PYCR3: variants seen among roughly 807,000 people sequenced by gnomAD.
PYCR3 encodes pyrroline-5-carboxylate reductase 3.
In PYCR3, 26 loss-of-function variants were observed where a neutral mutation model predicts 23.4. The observed-to-expected ratio is 1.11, with a 90% confidence interval of 0.81 to 1.54. The LOEUF is 1.54. Ranked by LOEUF, PYCR3 falls within the 40% of genes most tolerant of loss-of-function variation. The pLI, the probability that PYCR3 is intolerant of heterozygous loss-of-function variation, is 0.00. For synonymous variants in PYCR3, 194 were observed against 162.6 expected (o/e 1.19, Z -1.47); for missense variants, 360 against 376.3 (o/e 0.96, Z 0.36).
chr8:143,607,844 T>C (rs4874170), intron 2 of PYCR3, among the ~76,000 whole-genome samples: 125,108 of 152,026 alleles, frequency 0.82, 52,050 homozygotes, highest in Admixed American at 0.88. Context: ...CACTCACACA[T>C]GCATACACAC....
At chr8:143,607,193 C>A (rs900808053) in intron 2 of PYCR3, 61 bp from the exon 3 acceptor site, 1 of 1,427,202 alleles carries the variant, frequency 7.0e-7, no homozygotes, top group African/African-American at 1.4e-5. Context: ...CCCTCTCCAT[C>A]ACAGCCCTTC....
chr8:143,609,402 C>T, intron 1 of PYCR3, 56 bp downstream of exon 1: 1 of 1,421,358 alleles, frequency 7.0e-7, no homozygotes, highest in South Asian at 1.5e-5. Flanking sequence ...CGGCAGGACA[C>T]CTCCCACGGG....
Position 143,603,755 on chromosome 8 carries a change from C to T in PYCR3, c.*1945G>A, listed in dbSNP as rs922084673. On this transcript the variant is annotated 3_prime_UTR_variant, in exon 6 of 6. Coordinates refer to ENST00000495276, the MANE Select transcript of PYCR3 (RefSeq NM_023078.6). ...GTGCAGGGGAAACTGCAATTCCATG[C>T]CCTACAAAGCCCCCAGGTGATGTAG... is the stretch of plus-strand genomic sequence containing the variant. 2.6e-4 allele frequency among the ~76,000 whole-genome samples: 39 copies of T among 152,184 alleles called. No individual in the cohort carries two copies. The highest frequency in any genetic ancestry group is 9.2e-4 in the African/African-American group (38 of 41,438).
chr8:143,604,630 A>G lies in PYCR3; in HGVS notation c.*1070T>C. 1 of 312,646 alleles carries G rather than the reference A, an allele frequency of 3.2e-6. No homozygotes were observed. Among genetic ancestry groups the G allele is most frequent in the Non-Finnish European group, 6.2e-6 (1 of 161,696 alleles). 19.4% of individuals were successfully genotyped at this position (312,646 alleles called of 1,614,324 possible). ...CTGCAGCAGTTGGGGCCAGCGTGGG[A>G]CTGGAGGCCCAGGTGAATCTTGTGG... On this transcript the variant is annotated 3_prime_UTR_variant, in exon 6 of 6. Transcript: ENST00000495276.
chr8:143,606,005 T>A, intron 5 of PYCR3, 57 bp downstream of exon 5: 1 of 1,566,174 alleles, frequency 6.4e-7, no homozygotes, highest in Non-Finnish European at 8.7e-7. Context: ...CCCTGCGCAC[T>A]GGAAGAGGTA....
rs1242968286 is a variant in PYCR3 at position 143,604,411 on chromosome 8, C to CCGTGG, written c.*1284_*1288dup. On this transcript the variant is annotated 3_prime_UTR_variant, in exon 6 of 6. Transcript: ENST00000495276. ...GAGAGAGCAGATGAAGGGCAGAAGT[C>CCGTGG]CGTGGCCGCAGAGGCAGCTGAGCAT... The CCGTGG allele has an allele frequency of 5.9e-6, 1 of 168,828 alleles. No individual in the cohort carries two copies. The highest frequency in any genetic ancestry group is 1.3e-5 in the Non-Finnish European group (1 of 78,784). 10.5% of individuals were successfully genotyped at this position (168,828 alleles called of 1,614,324 possible). A position where few individuals can be genotyped will look rare whatever the true frequency, so the allele number is the denominator to read the frequency against.
intron 4 of PYCR3, 45 bp downstream of exon 4, chr8:143,606,422 C>T (rs1162518191): frequency 6.3e-7 from 1 of 1,595,916 alleles, no homozygotes; most frequent in Non-Finnish European, 8.6e-7. Flanking sequence ...GGTGGGCCCC[C>T]TCTTTGCCGA....
rs180911364 is a variant in PYCR3 at position 143,607,227 on chromosome 8, T to C, written c.157-95A>G. The C allele has an allele frequency of 4.6e-4, 565 of 1,233,896 alleles. 7 individuals carry two copies. In the South Asian group the frequency reaches 8.2e-3, roughly 18 times the overall value. 76.4% of individuals were successfully genotyped at this position (1,233,896 alleles called of 1,614,324 possible). ...TCCTGCTGGATGCCACACGTTCCCA[T>C]GGTCCCAGGGCCTCTCCCATTGCAA... On this transcript the variant is annotated intron_variant, in intron 2 of 5. Transcript: ENST00000495276.
Position 143,608,136 on chromosome 8 carries a change from AAGG to A in PYCR3, c.92-13_92-11del. The A allele has an allele frequency of 1.2e-6, 2 of 1,610,214 alleles. No homozygotes were observed. Among genetic ancestry groups the A allele is most frequent in the Non-Finnish European group, 1.7e-6 (2 of 1,176,724 alleles). Reference sequence around the variant, plus strand: ...TGAGCTTCCACTTTTCCTGGAAAGAAAGGAAAAGGAAGAGGGGTTGGTGAAGGG... The same window carrying A: ...TGAGCTTCCACTTTTCCTGGAAAGAAAAAAGGAAGAGGGGTTGGTGAAGGG... On this transcript the variant is annotated splice_polypyrimidine_tract_variant and intron_variant, in intron 1 of 5. Transcript: ENST00000495276.
At chr8:143,606,424 C>A in intron 4 of PYCR3, 43 bp downstream of exon 4, 1 of 1,600,236 alleles carries the variant, frequency 6.2e-7, no homozygotes, top group Non-Finnish European at 8.5e-7. Context: ...TGGGCCCCCT[C>A]TTTGCCGAGG....
At chr8:143,608,877 C>A in intron 1 of PYCR3, 1 of 456,732 alleles carries the variant, frequency 2.2e-6, no homozygotes, top group Non-Finnish European at 4.4e-6. Flanking sequence ...TGAAGTATGG[C>A]TGAAGGCAGA....
rs371093725 is a variant in PYCR3 at position 143,605,277 on chromosome 8, G to A, written c.*423C>T. 8.0e-5 allele frequency: 22 copies of A among 275,326 alleles called. No individual in the cohort carries two copies. Among genetic ancestry groups the A allele is most frequent in the East Asian group, 7.1e-4 (7 of 9,860 alleles). 17.1% of individuals were successfully genotyped at this position (275,326 alleles called of 1,614,324 possible). ...GCAGCCGGCCTGGCTGTAGCTGCAC[G>A]GAGCCACCTGGAAAGCCAAAGGCAA... On this transcript the variant is annotated 3_prime_UTR_variant, in exon 6 of 6. Transcript: ENST00000495276.
In PYCR3 at chr8:143,609,543, T is replaced by C. The variant is rs971374405; in HGVS notation, c.6A>G (p.Ala2=). Residue 2 remains alanine (A), a synonymous_variant, in exon 1 of 6, where the codon GCA becomes GCG. Coordinates refer to ENST00000495276, the MANE Select transcript of PYCR3 (RefSeq NM_023078.6). M[A]AAEPSPRRVG... is the part of the protein sequence containing the mutation. ...CGCGCCGCGGAGACGGCTCCGCAGC[T>C]GCCATCTTGTTGCCTCGGACGCCGC... 6.6e-7 allele frequency: 1 copy of C among 1,508,866 alleles called. No individual in the cohort carries two copies. The highest frequency in any genetic ancestry group is 8.8e-7 in the Non-Finnish European group (1 of 1,136,476). The allele number at this position is 1,508,866 out of a possible 1,614,324, so 93.5% of individuals were successfully genotyped here.
Position 143,604,599 on chromosome 8 carries a change from CGA to C in PYCR3, c.*1099_*1100del. On this transcript the variant is annotated 3_prime_UTR_variant, in exon 6 of 6. Coordinates refer to ENST00000495276, the MANE Select transcript of PYCR3 (RefSeq NM_023078.6). ...CCTCCAGAGGCTGTTGGGCGGAAGC[CGA>C]GAGCTGCAGCAGTTGGGGCCAGCGT... The C allele has an allele frequency of 3.3e-6, 1 of 306,972 alleles. No individual in the cohort carries two copies. Among genetic ancestry groups the C allele is most frequent in the Non-Finnish European group, 6.3e-6 (1 of 158,708 alleles). 19.0% of individuals were successfully genotyped at this position (306,972 alleles called of 1,614,324 possible).
At chr8:143,606,239 G>A (rs1829395441) in intron 4 of PYCR3, 85 bp from the exon 5 acceptor site, 9 of 1,354,652 alleles carry the variant, frequency 6.6e-6, no homozygotes, top group Non-Finnish European at 9.2e-6. Flanking sequence ...CAGAGCAGTA[G>A]CCGTGGGTGG....
chr8:143,609,517 A>G lies in PYCR3; in HGVS notation c.32T>C (p.Val11Ala), dbSNP rs1478075335. 1.8e-5 allele frequency: 27 copies of G among 1,516,000 alleles called. No individual in the cohort carries two copies. The East Asian group carries it at 6.1e-4, about 34-fold the overall frequency. 93.9% of individuals were successfully genotyped at this position (1,516,000 alleles called of 1,614,324 possible). A position where few individuals can be genotyped will look rare whatever the true frequency, so the allele number is the denominator to read the frequency against. Reference sequence around the variant, plus strand: ...CATGCGGCCCGCGCCCACGAAGCCCACGCGCCGCGGAGACGGCTCCGCAGC... The same window carrying G: ...CATGCGGCCCGCGCCCACGAAGCCCGCGCGCCGCGGAGACGGCTCCGCAGC... MAAAEPSPRR[V>A]GFVGAGRMAG... The change falls in exon 1 of 6, where the codon GTG (valine) becomes GCG (alanine). Residue 11 changes from valine (V) to alanine (A), a missense_variant. By Grantham distance (64) the Val-to-Ala change is moderately conservative. Coordinates refer to ENST00000495276, the MANE Select transcript of PYCR3 (RefSeq NM_023078.6).
In PYCR3 at chr8:143,605,335, G is replaced by A. The variant is rs898070811; in HGVS notation, c.*365C>T. 7 of 338,938 alleles carry A rather than the reference G, an allele frequency of 2.1e-5. No homozygotes were observed. Among genetic ancestry groups the A allele is most frequent in the African/African-American group, 6.3e-5 (3 of 47,576 alleles). The allele number at this position is 338,938 out of a possible 1,614,324, so 21.0% of individuals were successfully genotyped here. A position where few individuals can be genotyped will look rare whatever the true frequency, so the allele number is the denominator to read the frequency against. The stretch of plus-strand genomic sequence containing the variant: ...CTCCAGACCAGGCATTGGGCCAGCC[G>A]TGCCTGTTACCGTAAGTTCTGTTCA... On this transcript the variant is annotated 3_prime_UTR_variant, in exon 6 of 6. Transcript: ENST00000495276.
In PYCR3 at chr8:143,606,931, C is replaced by A. The variant is rs770705857; in HGVS notation, c.336+22G>T. On this transcript the variant is annotated intron_variant, in intron 3 of 5. Coordinates refer to ENST00000495276, the MANE Select transcript of PYCR3 (RefSeq NM_023078.6). ...AGCAGAGCCTATACTGGGACCAAGG[C>A]CTTAGCCCAAGGGACACTCACCTCC... 1.1e-5 allele frequency: 17 copies of A among 1,573,952 alleles called. No homozygotes were observed. The South Asian group carries it at 1.8e-4, about 17-fold the overall frequency.
chr8:143,608,901 C>T (rs995575943), intron 1 of PYCR3: 1 of 456,662 alleles, frequency 2.2e-6, no homozygotes, highest in Non-Finnish European at 4.4e-6. Context: ...TCAAAAGTCA[C>T]CCAGCTCTCC....
Sources: allele counts gnomAD v4.1 joint callset (sites outside exome capture counted in the v4.1 genomes callset), GRCh38; gene constraint gnomAD v4.1.1; transcripts MANE v1.5; gene names NCBI Gene and HGNC (gene_info 2026-07-23, HGNC 2026-07-21).